The following MYO9A variants were observed in gnomAD, a reference collection of about 807,000 sequenced individuals.
MYO9A encodes the protein myosin IXA, also known as unconventional myosin-IXa.
A neutral mutation model predicts 293.3 loss-of-function variants in MYO9A; 103 were observed. That is an observed-to-expected ratio of 0.35 (90% CI 0.30 to 0.41). MYO9A has a LOEUF of 0.41. Ranked by LOEUF, MYO9A falls within the 10% of genes least tolerant of loss-of-function variation. MYO9A has a pLI of 1.00. For synonymous variants in MYO9A, 1,001 were observed against 1,035.7 expected (o/e 0.97, Z 0.64); for missense variants, 2,685 against 3,033.0 (o/e 0.89, Z 2.69).
chr15:71,888,866 T>G (rs1037959937), intron 26 of MYO9A, among the ~76,000 whole-genome samples: 1 of 152,214 alleles, frequency 6.6e-6, no homozygotes, highest in South Asian at 2.1e-4. Flanking sequence ...ATACCTTAAG[T>G]TGGCAAAGAT....
intron 1 of MYO9A, among the ~76,000 whole-genome samples, chr15:72,110,435 CAAAAAA>C (rs397854173): frequency 6.7e-5 from 3 of 45,106 alleles, no homozygotes; most frequent in Non-Finnish European, 1.4e-4. Flanking sequence ...GACTCCATCT[CAAAAAA>C]AAAAAAAAAA....
intron 1 of MYO9A, among the ~76,000 whole-genome samples, chr15:72,104,587 G>T (rs943439060): frequency 6.6e-6 from 1 of 152,162 alleles, no homozygotes; most frequent in Non-Finnish European, 1.5e-5. Context: ...ATCAATAAAT[G>T]AAACAACTTC....
chr15:71,987,728 T>G (rs1305360026), intron 11 of MYO9A, among the ~76,000 whole-genome samples: 1 of 152,232 alleles, frequency 6.6e-6, no homozygotes, highest in Non-Finnish European at 1.5e-5. Context: ...AGATTTTTCC[T>G]ACAAATGTAC....
chr15:72,019,402 C>G (rs7171243), intron 5 of MYO9A, among the ~76,000 whole-genome samples: 3,499 of 152,180 alleles, frequency 0.023, 129 homozygotes, highest in African/African-American at 0.08. Flanking sequence ...TCTGAAAGAA[C>G]AGCAAAATTC....
chr15:71,903,997 G>A lies in MYO9A; in HGVS notation c.2809C>T (p.Arg937Ter). Residue 937 changes from arginine (R) to a stop codon, truncating the protein, a stop_gained, in exon 21 of 42, where the codon CGA (arginine) becomes TGA (stop). Coordinates refer to ENST00000356056, the MANE Select transcript of MYO9A (RefSeq NM_006901.4). LOFTEE classifies it high-confidence loss of function. ...FSDVLVLRQL[R>*]YTGMLETVRI... ...ACTGTTTCCAGCATCCCGGTGTATCGAAGCTGTCTAAGTACCAAGACATCA... is the reference window on the plus strand; with the variant it reads ...ACTGTTTCCAGCATCCCGGTGTATCAAAGCTGTCTAAGTACCAAGACATCA... 3.1e-6 allele frequency: 5 copies of A among 1,613,946 alleles called. No individual in the cohort carries two copies. Among genetic ancestry groups the A allele is most frequent in the South Asian group, 1.1e-5 (1 of 91,022 alleles).
chr15:71,837,202 G>T (rs1274590947), intron 39 of MYO9A, among the ~76,000 whole-genome samples: 1 of 152,022 alleles, frequency 6.6e-6, no homozygotes, highest in East Asian at 1.9e-4. Flanking sequence ...AGGTGATAGG[G>T]TAAAGGCTGG....
intron 31 of MYO9A, among the ~76,000 whole-genome samples, chr15:71,876,517 C>T (rs946228080): frequency 6.8e-6 from 1 of 147,832 alleles, no homozygotes; most frequent in African/African-American, 2.5e-5. Context: ...CTCACCACAA[C>T]CTCCACCTCC....
At chr15:71,966,536 A>G (rs2075882941) in intron 13 of MYO9A, among the ~76,000 whole-genome samples, 3 of 152,034 alleles carry the variant, frequency 2.0e-5, no homozygotes, top group Admixed American at 2.0e-4. Context: ...TCCTTCCAGT[A>G]TTTTCCATCT....
rs1024332763 is a variant in MYO9A, at chr15:71,825,973, G to C, written c.*607C>G. On this transcript the variant is annotated 3_prime_UTR_variant, in exon 42 of 42. Transcript: ENST00000356056. ...TGAGACACGCTCTGATGGCTTAATG[G>C]AAACAATCACGGTTTTTTTTTGTTT... 2.0e-5 allele frequency: 3 copies of C among 148,566 alleles called. No individual in the cohort carries two copies. The highest frequency in any genetic ancestry group is 7.4e-5 in the African/African-American group (3 of 40,462). 9.2% of individuals were successfully genotyped at this position (148,566 alleles called of 1,614,324 possible). A position where few individuals can be genotyped will look rare whatever the true frequency, so the allele number is the denominator to read the frequency against.
At chr15:71,945,628 T>C (rs1354859131) in intron 15 of MYO9A, among the ~76,000 whole-genome samples, 1 of 152,172 alleles carries the variant, frequency 6.6e-6, no homozygotes, top group African/African-American at 2.4e-5. Context: ...CACTTTTTAG[T>C]TTTAAGAGCA....
chr15:71,948,415 A>T (rs1292586289), intron 15 of MYO9A, among the ~76,000 whole-genome samples: 1 of 152,214 alleles, frequency 6.6e-6, no homozygotes, highest in African/African-American at 2.4e-5. Context: ...AATGGCTTAT[A>T]TAGTTTTTAA....
At chr15:72,018,448 C>T (rs746615884) in intron 6 of MYO9A, among the ~76,000 whole-genome samples, 2 of 151,718 alleles carry the variant, frequency 1.3e-5, no homozygotes, top group African/African-American at 2.4e-5. Flanking sequence ...AGTAAAAGAG[C>T]GAGACTCTGT....
At chr15:72,068,058 C>T (rs970164127) in intron 1 of MYO9A, among the ~76,000 whole-genome samples, 5 of 152,092 alleles carry the variant, frequency 3.3e-5, no homozygotes, top group Non-Finnish European at 5.9e-5. Flanking sequence ...TTTTCTAAGT[C>T]ATTTATTCTG....
intron 39 of MYO9A, among the ~76,000 whole-genome samples, chr15:71,843,216 G>A (rs2055239731): frequency 6.6e-6 from 1 of 151,926 alleles, no homozygotes; most frequent in Non-Finnish European, 1.5e-5. Context: ...ATCACTTGAG[G>A]TCAGGAGTTC....
At chr15:71,853,453 TCAGAGA>T (rs2055738916) in intron 35 of MYO9A, among the ~76,000 whole-genome samples, 1 of 152,224 alleles carries the variant, frequency 6.6e-6, no homozygotes, top group South Asian at 2.1e-4. Flanking sequence ...TTTCAAGGTA[TCAGAGA>T]CAAAGTCAGT....
chr15:71,933,617 A>G, intron 18 of MYO9A, 53 bp downstream of exon 18: 12 of 1,494,256 alleles, frequency 8.0e-6, no homozygotes, highest in Non-Finnish European at 1.1e-5. Flanking sequence ...TGAGTAATAA[A>G]AAATAATTGT....
intron 32 of MYO9A, among the ~76,000 whole-genome samples, chr15:71,875,278 T>C (rs2056649867): frequency 1.3e-5 from 2 of 152,102 alleles, no homozygotes; most frequent in South Asian, 4.1e-4. Flanking sequence ...TCCCTATATA[T>C]TTAGGTTGTT....
intron 8 of MYO9A, among the ~76,000 whole-genome samples, chr15:72,006,689 A>G (rs1248253215): frequency 2.0e-5 from 3 of 152,218 alleles, no homozygotes; most frequent in African/African-American, 7.2e-5. Flanking sequence ...ATTAAAAATT[A>G]TTTAAGAGAT....
At chr15:71,970,130 G>A (rs529522156) in intron 12 of MYO9A, among the ~76,000 whole-genome samples, 1 of 152,334 alleles carries the variant, frequency 6.6e-6, no homozygotes, top group South Asian at 2.1e-4. Flanking sequence ...GATCTGGAAT[G>A]AAAGCTTGAG....
Sources: allele counts gnomAD v4.1 joint callset (sites outside exome capture counted in the v4.1 genomes callset), GRCh38; gene constraint gnomAD v4.1.1; transcripts MANE v1.5; gene names NCBI Gene and HGNC (gene_info 2026-07-23, HGNC 2026-07-21).